OPCML: variants seen among roughly 807,000 people sequenced by gnomAD.
OPCML encodes the protein opioid binding protein/cell adhesion molecule like, also known as opioid-binding protein/cell adhesion molecule.
OPCML carries 13 observed loss-of-function variants against 37.8 expected under a neutral mutation model. That is an observed-to-expected ratio of 0.34 (90% CI 0.22 to 0.55). OPCML has a LOEUF of 0.55. Among genes scored for constraint, OPCML ranks in the 20% least tolerant of loss-of-function variants. OPCML has a pLI of 0.91. For missense variants in OPCML, 341 were observed against 435.6 expected (o/e 0.78, Z 1.93); for synonymous variants, 176 against 168.8 (o/e 1.04, Z -0.33).
chr11:132,703,504 C>G (rs114531326), intron 2 of OPCML, among the ~76,000 whole-genome samples: 1 of 152,158 alleles, frequency 6.6e-6, no homozygotes, highest in Non-Finnish European at 1.5e-5. Flanking sequence ...ACATCTCTTC[C>G]GGTCTGTATA....
At chr11:132,928,617 T>C (rs1945082233) in intron 2 of OPCML, among the ~76,000 whole-genome samples, 1 of 151,942 alleles carries the variant, frequency 6.6e-6, no homozygotes, top group Non-Finnish European at 1.5e-5. Flanking sequence ...ACAGACCAAT[T>C]AGACGTAACA....
chr11:132,793,889 G>A (rs1311451082), intron 2 of OPCML, among the ~76,000 whole-genome samples: 3 of 152,098 alleles, frequency 2.0e-5, no homozygotes, highest in African/African-American at 4.8e-5. Flanking sequence ...CCTATGCAGC[G>A]TCCAGGTGGC....
intron 1 of OPCML, among the ~76,000 whole-genome samples, chr11:133,012,870 C>CAAAAAAAAA (rs11456619): frequency 8.8e-6 from 1 of 113,248 alleles, no homozygotes. Flanking sequence ...AACTCCATCT[C>CAAAAAAAAA]AAAAAAAAAA....
intron 2 of OPCML, among the ~76,000 whole-genome samples, chr11:132,914,601 G>C (rs1202514377): frequency 6.6e-6 from 1 of 152,208 alleles, no homozygotes; most frequent in Non-Finnish European, 1.5e-5. Flanking sequence ...GAACGGCTGT[G>C]CTGGAAGGCG....
intron 1 of OPCML, among the ~76,000 whole-genome samples, chr11:133,370,377 C>T (rs1944645579): frequency 6.6e-6 from 1 of 151,086 alleles, no homozygotes; most frequent in African/African-American, 2.4e-5. Flanking sequence ...AGTAAAGTTG[C>T]AGTCTGTAAA....
intron 4 of OPCML, among the ~76,000 whole-genome samples, chr11:132,526,851 C>A (rs1429879553): frequency 6.6e-6 from 1 of 152,044 alleles, no homozygotes; most frequent in Non-Finnish European, 1.5e-5. Flanking sequence ...TTTCCAACAT[C>A]CCCCAGAATT....
intron 1 of OPCML, among the ~76,000 whole-genome samples, chr11:133,220,844 C>T (rs754591712): frequency 3.3e-5 from 5 of 152,116 alleles, no homozygotes; most frequent in Non-Finnish European, 5.9e-5. Context: ...CCCCCGGCTT[C>T]GTTCGAGTCC....
chr11:133,147,304 G>C (rs1367797500), intron 1 of OPCML, among the ~76,000 whole-genome samples: 1 of 152,130 alleles, frequency 6.6e-6, no homozygotes, highest in African/African-American at 2.4e-5. Flanking sequence ...AGACGAGGGA[G>C]GCAGTAGGTC....
chr11:133,397,365 C>T (rs1022139438), intron 1 of OPCML, among the ~76,000 whole-genome samples: 4 of 152,110 alleles, frequency 2.6e-5, no homozygotes, highest in East Asian at 1.9e-4. Flanking sequence ...TTCAATCATC[C>T]GAGAAGGATT....
intron 3 of OPCML, among the ~76,000 whole-genome samples, chr11:132,580,549 T>C (rs1403751494): frequency 1.3e-5 from 2 of 152,238 alleles, no homozygotes; most frequent in East Asian, 1.9e-4. Flanking sequence ...TTAAGGTGTA[T>C]ATTTTTAATA....
At chr11:133,196,114 C>A (rs1938527556) in intron 1 of OPCML, among the ~76,000 whole-genome samples, 1 of 152,134 alleles carries the variant, frequency 6.6e-6, no homozygotes. Context: ...GAAGAAGGAA[C>A]TAAATAGGAT....
chr11:132,853,456 GCAGATAAAA>G (rs1941906119), intron 2 of OPCML, among the ~76,000 whole-genome samples: 1 of 152,116 alleles, frequency 6.6e-6, no homozygotes, highest in Non-Finnish European at 1.5e-5. Flanking sequence ...AGATAGACCA[GCAGATAAAA>G]CAGACATGCC....
chr11:132,762,352 C>T lies in OPCML; in HGVS notation c.147-105033G>A, dbSNP rs117880199. 4.3e-4 allele frequency among the ~76,000 whole-genome samples: 65 copies of T among 152,330 alleles called. 1 individual carries two copies. In the East Asian group the frequency reaches 0.011, roughly 27 times the overall value. ...AGCCTGAGCCCTGTCCTGGGACATC[C>T]GCCTCTCTCCTCAGACCTGGCAGGC... On this transcript the variant is annotated intron_variant, in intron 2 of 7. Transcript: ENST00000524381.
chr11:132,655,692 C>A (rs1192324352), intron 3 of OPCML, among the ~76,000 whole-genome samples: 1 of 152,186 alleles, frequency 6.6e-6, no homozygotes, highest in African/African-American at 2.4e-5. Flanking sequence ...CAGCAGACAG[C>A]TCTCTGGCCC....
At chr11:132,756,483 C>T (rs77339878) in intron 2 of OPCML, among the ~76,000 whole-genome samples, 3,627 of 152,280 alleles carry the variant, frequency 0.024, 64 homozygotes, top group Middle Eastern at 0.065. Context: ...ACATCTTTGC[C>T]ATGTTGCTCC....
chr11:132,859,150 T>C (rs1309314003), intron 2 of OPCML: 1 of 152,216 alleles, frequency 6.6e-6, no homozygotes, highest in Non-Finnish European at 1.5e-5. Flanking sequence ...TTTAAAATCA[T>C]AGTGATGATG....
In OPCML at chr11:133,344,474, C is replaced by G. The variant is rs530341702; in HGVS notation, c.61+187790G>C. On this transcript the variant is annotated intron_variant, in intron 1 of 7. Coordinates refer to ENST00000524381, the MANE Select transcript of OPCML (RefSeq NM_001012393.5). ...CAGCCAAATTGGACAAATCCTGTTG[C>G]GTTCTGACATTCAAGACACTCCTTC... is the stretch of plus-strand genomic sequence containing the variant. Among the ~76,000 whole-genome samples the G allele has an allele frequency of 2.6e-5, 4 of 152,200 alleles. No homozygotes were observed. The East Asian group carries it at 7.7e-4, about 29-fold the overall frequency.
intron 1 of OPCML, among the ~76,000 whole-genome samples, chr11:133,286,430 A>C (rs990681160): frequency 8.1e-6 from 1 of 123,214 alleles, no homozygotes; most frequent in Non-Finnish European, 1.6e-5. Context: ...AGATCGCGCC[A>C]CTGCACTCCA....
At chr11:132,829,335 A>G (rs1940548114) in intron 2 of OPCML, among the ~76,000 whole-genome samples, 1 of 152,244 alleles carries the variant, frequency 6.6e-6, no homozygotes, top group African/African-American at 2.4e-5. Flanking sequence ...CATTTAATCC[A>G]TATTGAAACC....
Sources: gnomAD v4.1 joint callset for allele counts (sites outside exome capture counted in the v4.1 genomes callset) on GRCh38, gnomAD v4.1.1 for gene constraint, MANE v1.5 for transcripts, NCBI Gene and HGNC (gene_info 2026-07-23, HGNC 2026-07-21) for gene names.